Variants in TBC1D9 observed in about 807,000 individuals in gnomAD.
TBC1D9 encodes TBC1 domain family member 9A.
Under a neutral mutation model 132.0 loss-of-function variants are expected in TBC1D9, and 63 were observed. The ratio of observed to expected loss-of-function variants is 0.48; its 90% CI spans 0.39 to 0.59. The LOEUF (loss-of-function observed/expected upper bound fraction) is 0.59. Ranked by LOEUF, TBC1D9 falls within the 20% of genes least tolerant of loss-of-function variation. The probability of loss-of-function intolerance (pLI) is 0.00; values close to 1 mark genes in which losing one functional copy is unlikely to be tolerated. For missense variants in TBC1D9, 1,261 were observed against 1,592.7 expected, an observed-to-expected ratio of 0.79 and a Z score of 3.54; for synonymous variants, 610 against 609.9, an observed-to-expected ratio of 1.00 and a Z score of 0.00.
chr4:140,634,301 G>A (rs116227898), intron 15 of TBC1D9, 113 bp from the exon 16 acceptor site: 5 of 1,451,676 alleles, frequency 3.4e-6, no homozygotes, highest in South Asian at 2.7e-5. Flanking sequence ...GCATCCCCTG[G>A]GGCAGGGCTG....
intron 9 of TBC1D9, 82 bp from the exon 10 acceptor site, chr4:140,662,189 G>T: frequency 9.0e-7 from 1 of 1,105,278 alleles, no homozygotes; most frequent in Non-Finnish European, 1.4e-6. Flanking sequence ...TGATTGAACT[G>T]CTTTACTTTC....
chr4:140,729,745 C>T (rs1189075863), intron 1 of TBC1D9, among the ~76,000 whole-genome samples: 1 of 130,092 alleles, frequency 7.7e-6, no homozygotes. Flanking sequence ...GCTTGAATCC[C>T]GGAGGCAGAG....
At chr4:140,657,043 G>T in intron 13 of TBC1D9, 54 bp downstream of exon 13, 1 of 1,593,086 alleles carries the variant, frequency 6.3e-7, no homozygotes, top group Non-Finnish European at 8.6e-7. Context: ...ACAGGCAGCA[G>T]TGGAAGTGTC....
intron 2 of TBC1D9, chr4:140,700,818 TG>T: frequency 6.8e-6 from 1 of 148,048 alleles, no homozygotes; most frequent in Non-Finnish European, 1.5e-5. Context: ...AGACTCCGTC[TG>T]GGAAAAAAAA....
intron 2 of TBC1D9, among the ~76,000 whole-genome samples, chr4:140,699,249 T>A (rs1280609086): frequency 1.3e-5 from 2 of 152,106 alleles, no homozygotes; most frequent in South Asian, 2.1e-4. Flanking sequence ...AAATTTACTG[T>A]GCAAGAGAAT....
At chr4:140,717,496 T>C (rs535449031) in intron 1 of TBC1D9, among the ~76,000 whole-genome samples, 1 of 152,362 alleles carries the variant, frequency 6.6e-6, no homozygotes, top group African/African-American at 2.4e-5. Flanking sequence ...TCAGCTTTCC[T>C]GTTGGGACAA....
At chr4:140,704,688 C>T (rs1738124277) in intron 1 of TBC1D9, among the ~76,000 whole-genome samples, 1 of 152,162 alleles carries the variant, frequency 6.6e-6, no homozygotes, top group South Asian at 2.1e-4. Context: ...AGAAGGAAGA[C>T]CTCTGAAAAG....
At position 140,720,789 on chromosome 4, in the gene TBC1D9, G is replaced by A. The variant is rs181564631; in HGVS notation, c.131-19175C>T. ...GAAGAGCTGGTTTCTAAGGTGACCCGTAAGCTTCTAACCTCAGTGACAAGT... is the reference window on the plus strand; with the variant it reads ...GAAGAGCTGGTTTCTAAGGTGACCCATAAGCTTCTAACCTCAGTGACAAGT... On this transcript the variant is annotated intron_variant, in intron 1 of 20. Coordinates refer to ENST00000442267, the MANE Select transcript of TBC1D9 (RefSeq NM_015130.3). 2.6e-5 allele frequency among the ~76,000 whole-genome samples: 4 copies of A among 152,316 alleles called. No individual in the cohort carries two copies. In the East Asian group the frequency reaches 7.7e-4, roughly 29 times the overall value.
rs184373735 is a variant in TBC1D9, at chr4:140,739,731, A to C, written c.130+16185T>G. ...ATTAAGAGGCATTAAAGCTGGGCAC[A>C]GCGGTACATGCCTATAGTCCCAGCT... is the stretch of plus-strand genomic sequence containing the variant. On this transcript the variant is annotated intron_variant, in intron 1 of 20. Coordinates refer to ENST00000442267, the MANE Select transcript of TBC1D9 (RefSeq NM_015130.3). Among the ~76,000 whole-genome samples the C allele has an allele frequency of 3.2e-4, 48 of 152,364 alleles. No individual in the cohort carries two copies. The East Asian group carries it at 7.5e-3, about 24-fold the overall frequency.
intron 9 of TBC1D9, among the ~76,000 whole-genome samples, chr4:140,666,801 A>T (rs1737453369): frequency 7.0e-6 from 1 of 143,724 alleles, no homozygotes; most frequent in Non-Finnish European, 1.6e-5. Context: ...CAATAAAGAT[A>T]TCACAAAAAA....
intron 13 of TBC1D9, among the ~76,000 whole-genome samples, chr4:140,653,292 C>T (rs1471841732): frequency 2.0e-5 from 3 of 152,150 alleles, no homozygotes; most frequent in Non-Finnish European, 4.4e-5. Context: ...TCCTATGTTT[C>T]AATTGTCACG....
intron 16 of TBC1D9, among the ~76,000 whole-genome samples, chr4:140,629,394 C>A (rs1736758132): frequency 6.6e-6 from 1 of 152,126 alleles, no homozygotes; most frequent in Admixed American, 6.5e-5. Context: ...CTCAAAGAGT[C>A]CATGACTCAA....
At chr4:140,749,520 T>G (rs1738889496) in intron 1 of TBC1D9, among the ~76,000 whole-genome samples, 1 of 152,042 alleles carries the variant, frequency 6.6e-6, no homozygotes, top group South Asian at 2.1e-4. Context: ...TTTTCAAAAT[T>G]GAGTAAGAAA....
chr4:140,729,884 A>G (rs950803140), intron 1 of TBC1D9, among the ~76,000 whole-genome samples: 1 of 151,658 alleles, frequency 6.6e-6, no homozygotes, highest in Non-Finnish European at 1.5e-5. Context: ...TGAGCAAACA[A>G]CTATTTTTTG....
intron 12 of TBC1D9, 50 bp from the exon 13 acceptor site, chr4:140,657,276 C>T: frequency 6.3e-7 from 1 of 1,581,722 alleles, no homozygotes; most frequent in Admixed American, 1.8e-5. Context: ...TGGAATCCTC[C>T]CATTATAATT....
At chr4:140,662,187 C>G in intron 9 of TBC1D9, 80 bp from the exon 10 acceptor site, 1 of 1,122,722 alleles carries the variant, frequency 8.9e-7, no homozygotes, top group Admixed American at 1.7e-5. Context: ...TATGATTGAA[C>G]TGCTTTACTT....
chr4:140,662,154 C>T lies in TBC1D9; in HGVS notation c.1589-47G>A, dbSNP rs201838641. 1.9e-3 allele frequency: 2,944 copies of T among 1,510,610 alleles called. 3 individuals carry two copies. The highest frequency in any genetic ancestry group is 2.3e-3 in the Non-Finnish European group (2,494 of 1,085,968). The allele number at this position is 1,510,610 out of a possible 1,614,324, so 93.6% of individuals were successfully genotyped here. A position where few individuals can be genotyped will look rare whatever the true frequency, so the allele number is the denominator to read the frequency against. On this transcript the variant is annotated intron_variant, in intron 9 of 20. Transcript: ENST00000442267. ...CAGTATCAAAAACGTGAGAGCTCTGCCTTTTGGTTTGCAACTACAGCTTAT... is the reference window on the plus strand; with the variant it reads ...CAGTATCAAAAACGTGAGAGCTCTGTCTTTTGGTTTGCAACTACAGCTTAT...
At chr4:140,678,844 G>T in intron 5 of TBC1D9, 98 bp downstream of exon 5, 3 of 1,418,412 alleles carry the variant, frequency 2.1e-6, no homozygotes, top group East Asian at 2.3e-5. Context: ...AGAGTGTTCA[G>T]AACCCTTGAA....
chr4:140,627,872 G>T (rs752193872), intron 17 of TBC1D9, among the ~76,000 whole-genome samples: 55 of 152,178 alleles, frequency 3.6e-4, no homozygotes, highest in Non-Finnish European at 6.8e-4. Flanking sequence ...TACCTCTATT[G>T]TTCGTGCCAA....
Sources: gnomAD v4.1 joint callset for allele counts (sites outside exome capture counted in the v4.1 genomes callset) on GRCh38, gnomAD v4.1.1 for gene constraint, MANE v1.5 for transcripts, NCBI Gene and HGNC (gene_info 2026-07-23, HGNC 2026-07-21) for gene names.